ULK4: variants seen among roughly 807,000 people sequenced by gnomAD.
The protein encoded by ULK4 is unc-51 like kinase 4, also known as inactive serine/threonine-protein kinase ULK4.
In ULK4, 133 loss-of-function variants were observed where a neutral mutation model predicts 160.6. That is an observed-to-expected ratio of 0.83 (90% CI 0.72 to 0.96). The LOEUF (loss-of-function observed/expected upper bound fraction) is 0.96. Ranked by LOEUF, ULK4 falls within the 40% of genes least tolerant of loss-of-function variation. ULK4 has a pLI of 0.00. For missense variants in ULK4, 1,580 were observed against 1,499.5 expected (o/e 1.05, Z -0.89); for synonymous variants, 534 against 539.8 (o/e 0.99, Z 0.15).
chr3:41,282,920 C>T (rs1254378479), intron 35 of ULK4, among the ~76,000 whole-genome samples: 1 of 149,068 alleles, frequency 6.7e-6, no homozygotes, highest in African/African-American at 2.6e-5. Flanking sequence ...GGGCTAATAT[C>T]TAGAATCTAC....
intron 32 of ULK4, among the ~76,000 whole-genome samples, chr3:41,499,941 T>C (rs2085134291): frequency 1.3e-5 from 2 of 152,208 alleles, no homozygotes; most frequent in South Asian, 2.1e-4. Context: ...TCTGTTTATT[T>C]TTCTATGTTT....
intron 5 of ULK4, among the ~76,000 whole-genome samples, chr3:41,922,319 T>C (rs1217304721): frequency 1.3e-5 from 2 of 151,886 alleles, no homozygotes; most frequent in Non-Finnish European, 2.9e-5. Flanking sequence ...AAAACCCAGT[T>C]TACAAAAAAA....
intron 35 of ULK4, among the ~76,000 whole-genome samples, chr3:41,270,860 C>T (rs953318070): frequency 7.9e-5 from 12 of 152,096 alleles, no homozygotes; most frequent in Non-Finnish European, 1.5e-5. Context: ...TTTATTCATT[C>T]GTTCACCAGC....
intron 35 of ULK4, among the ~76,000 whole-genome samples, chr3:41,373,812 C>T (rs1482424903): frequency 6.6e-6 from 1 of 152,060 alleles, no homozygotes; most frequent in East Asian, 1.9e-4. Context: ...AAGGTAGAGA[C>T]ATGAAAAACC....
Position 41,654,075 on chromosome 3 carries a change from C to T in ULK4, c.3071+9532G>A, listed in dbSNP as rs769275954. 5.3e-5 allele frequency among the ~76,000 whole-genome samples: 8 copies of T among 152,268 alleles called. No homozygotes were observed. In the South Asian group the frequency reaches 6.2e-4, roughly 12 times the overall value. On this transcript the variant is annotated intron_variant, in intron 30 of 36. Transcript: ENST00000301831. ...TCACATCTATGTTAAAAGAAAACAA[C>T]GAGAAAATATCACTGTGTTGAAATA...
intron 35 of ULK4, among the ~76,000 whole-genome samples, chr3:41,317,217 AGGCGCCCGCCAC>A (rs1388257153): frequency 8.6e-5 from 13 of 151,436 alleles, no homozygotes; most frequent in Admixed American, 8.5e-4. Context: ...CTGGGACTAC[AGGCGCCCGCCAC>A]GGCGCCCGGC....
At chr3:41,851,622 C>A (rs1369704879) in intron 17 of ULK4, among the ~76,000 whole-genome samples, 1 of 152,060 alleles carries the variant, frequency 6.6e-6, no homozygotes, top group Non-Finnish European at 1.5e-5. Flanking sequence ...CCCTCTTTTT[C>A]TATTGATTGG....
chr3:41,943,644 C>T (rs943933562), intron 2 of ULK4, among the ~76,000 whole-genome samples: 1 of 152,166 alleles, frequency 6.6e-6, no homozygotes, highest in Non-Finnish European at 1.5e-5. Flanking sequence ...GATGACTTTG[C>T]TTATTTCAGG....
intron 34 of ULK4, among the ~76,000 whole-genome samples, chr3:41,401,771 G>T (rs1004198080): frequency 7.9e-5 from 12 of 152,052 alleles, no homozygotes; most frequent in Non-Finnish European, 1.8e-4. Flanking sequence ...GTTATACAAG[G>T]GATACATTTG....
At chr3:41,930,914 T>A (rs933045454) in intron 5 of ULK4, among the ~76,000 whole-genome samples, 5 of 152,114 alleles carry the variant, frequency 3.3e-5, no homozygotes, top group African/African-American at 1.2e-4. Context: ...GTTCAACCAT[T>A]GCGGAGGACA....
intron 2 of ULK4, among the ~76,000 whole-genome samples, chr3:41,951,240 T>C (rs1438398921): frequency 6.7e-6 from 1 of 150,148 alleles, no homozygotes; most frequent in Non-Finnish European, 1.5e-5. Context: ...ATAATTAACA[T>C]TCAAATACTA....
intron 35 of ULK4, among the ~76,000 whole-genome samples, chr3:41,322,743 T>A (rs1337622065): frequency 6.6e-6 from 1 of 152,230 alleles, no homozygotes; most frequent in Admixed American, 6.5e-5. Flanking sequence ...CTCAAACATA[T>A]TAAACTGTAT....
At chr3:41,388,773 T>C (rs916364472) in intron 35 of ULK4, among the ~76,000 whole-genome samples, 4 of 152,180 alleles carry the variant, frequency 2.6e-5, no homozygotes, top group Non-Finnish European at 4.4e-5. Context: ...TTTTGGTTAC[T>C]GTAGCCTTGT....
intron 11 of ULK4, among the ~76,000 whole-genome samples, chr3:41,910,948 C>T (rs768049896): frequency 5.3e-5 from 8 of 152,066 alleles, no homozygotes; most frequent in Admixed American, 1.3e-4. Context: ...GGGCAATAGA[C>T]GGAGATCTTG....
chr3:41,844,527 G>A lies in ULK4; in HGVS notation c.1657-8556C>T, dbSNP rs368185965. Among the ~76,000 whole-genome samples, 326 of 152,110 alleles carry A rather than the reference G, an allele frequency of 2.1e-3. 1 individual carries two copies. Among genetic ancestry groups the A allele is most frequent in the African/African-American group, 7.2e-3 (300 of 41,498 alleles). On this transcript the variant is annotated intron_variant, in intron 17 of 36. Transcript: ENST00000301831. ...GCCCGCAAGCACCCCACACAGCCCC[G>A]GTTGCCGCTCGCGCCTCTCCCTCCA...
chr3:41,563,757 G>A (rs144911727), intron 32 of ULK4, among the ~76,000 whole-genome samples: 53 of 152,124 alleles, frequency 3.5e-4, no homozygotes, highest in East Asian at 1.9e-4. Flanking sequence ...TTAGCCATTC[G>A]TCTAAACTTT....
chr3:41,933,908 C>T (rs562733400), intron 4 of ULK4, among the ~76,000 whole-genome samples: 2 of 151,970 alleles, frequency 1.3e-5, no homozygotes, highest in African/African-American at 4.8e-5. Context: ...AAATTTGCCA[C>T]ACACCTGTAG....
chr3:41,426,234 T>C (rs2082772597), intron 34 of ULK4, among the ~76,000 whole-genome samples: 1 of 152,202 alleles, frequency 6.6e-6, no homozygotes, highest in South Asian at 2.1e-4. Context: ...CTAACTATCC[T>C]AAATATATAT....
intron 32 of ULK4, among the ~76,000 whole-genome samples, chr3:41,561,010 T>C (rs1293755021): frequency 6.6e-6 from 1 of 152,228 alleles, no homozygotes; most frequent in Middle Eastern, 3.2e-3. Flanking sequence ...ATGTCATAAA[T>C]AGCTCTTCTT....
Sources: allele counts gnomAD v4.1 joint callset (sites outside exome capture counted in the v4.1 genomes callset), GRCh38; gene constraint gnomAD v4.1.1; transcripts MANE v1.5; gene names NCBI Gene and HGNC (gene_info 2026-07-23, HGNC 2026-07-21).